AFG1L: variants seen among roughly 807,000 people sequenced by gnomAD.
AFG1L encodes AFG1 like ATPase, also known as AFG1-like ATPase.
AFG1L carries 53 observed loss-of-function variants against 62.2 expected under a neutral mutation model. The ratio of observed to expected loss-of-function variants is 0.85; its 90% CI spans 0.68 to 1.07. The LOEUF (loss-of-function observed/expected upper bound fraction) is 1.07. Ranked by LOEUF, AFG1L falls within the 50% of genes least tolerant of loss-of-function variation. The pLI is 0.00. For synonymous variants in AFG1L, 228 were observed against 210.3 expected, an observed-to-expected ratio of 1.08 and a Z score of -0.73; for missense variants, 555 against 590.5, an observed-to-expected ratio of 0.94 and a Z score of 0.62.
chr6:108,413,490 A>T (rs532151496), intron 7 of AFG1L, among the ~76,000 whole-genome samples: 6 of 152,334 alleles, frequency 3.9e-5, no homozygotes, highest in Admixed American at 1.3e-4. Context: ...CATCACACTT[A>T]TTCCAAAATT....
intron 2 of AFG1L, among the ~76,000 whole-genome samples, chr6:108,324,750 G>A (rs1422829498): frequency 6.7e-6 from 1 of 150,142 alleles, no homozygotes; most frequent in Non-Finnish European, 1.5e-5. Context: ...GGAGTGCAGT[G>A]GCACGATATC....
intron 6 of AFG1L, chr6:108,388,015 C>G (rs993499934): frequency 1.3e-5 from 2 of 151,858 alleles, no homozygotes; most frequent in Non-Finnish European, 2.9e-5. Context: ...ACACTAACAC[C>G]CCATCTGGTA....
At chr6:108,320,548 AG>A (rs1380948349) in intron 1 of AFG1L, among the ~76,000 whole-genome samples, 1 of 152,194 alleles carries the variant, frequency 6.6e-6, no homozygotes, top group Non-Finnish European at 1.5e-5. Flanking sequence ...AAAACAACTC[AG>A]TGACATGTAT....
chr6:108,299,190 G>A (rs1171952499), intron 1 of AFG1L, among the ~76,000 whole-genome samples: 4 of 151,980 alleles, frequency 2.6e-5, no homozygotes, highest in African/African-American at 9.7e-5. Context: ...GAACCCAGGC[G>A]GCGGAGGTTG....
At chr6:108,422,677 A>T (rs1378257472) in intron 7 of AFG1L, among the ~76,000 whole-genome samples, 1 of 151,836 alleles carries the variant, frequency 6.6e-6, no homozygotes, top group Non-Finnish European at 1.5e-5. Context: ...CGTTTAAAAA[A>T]ATCTACCCTT....
At chr6:108,389,029 A>G (rs1272842595) in intron 6 of AFG1L, among the ~76,000 whole-genome samples, 1 of 151,932 alleles carries the variant, frequency 6.6e-6, no homozygotes, top group Non-Finnish European at 1.5e-5. Flanking sequence ...TTTGTAGGTC[A>G]CTCAGGACTT....
At chr6:108,297,403 T>C (rs1319962877) in intron 1 of AFG1L, among the ~76,000 whole-genome samples, 1 of 152,152 alleles carries the variant, frequency 6.6e-6, no homozygotes, top group Non-Finnish European at 1.5e-5. Context: ...CATGGTGCCC[T>C]GCCCCCATCT....
intron 10 of AFG1L, among the ~76,000 whole-genome samples, chr6:108,492,979 A>C (rs1285196242): frequency 6.6e-6 from 1 of 152,088 alleles, no homozygotes; most frequent in African/African-American, 2.4e-5. Context: ...TACATTTGTA[A>C]CGGCATGTTT....
intron 7 of AFG1L, among the ~76,000 whole-genome samples, chr6:108,428,117 T>C (rs1368537509): frequency 6.6e-6 from 1 of 152,128 alleles, no homozygotes; most frequent in Admixed American, 6.5e-5. Context: ...CTCCATCTTC[T>C]GAGTCTCTAA....
chr6:108,364,031 A>G (rs1346422661), intron 5 of AFG1L, among the ~76,000 whole-genome samples: 1 of 152,160 alleles, frequency 6.6e-6, no homozygotes, highest in Non-Finnish European at 1.5e-5. Context: ...GTTATAAAAA[A>G]ATCTTTTCTC....
chr6:108,423,416 A>G (rs1770684478), intron 7 of AFG1L, among the ~76,000 whole-genome samples: 1 of 152,088 alleles, frequency 6.6e-6, no homozygotes, highest in African/African-American at 2.4e-5. Flanking sequence ...TGTTTCAACA[A>G]CATCTGAGCA....
At chr6:108,333,478 C>T (rs539016558) in intron 2 of AFG1L, among the ~76,000 whole-genome samples, 1 of 152,070 alleles carries the variant, frequency 6.6e-6, no homozygotes, top group Non-Finnish European at 1.5e-5. Context: ...TGCAATGGCT[C>T]ACGCCTGTAA....
chr6:108,477,011 T>A (rs1321120833), intron 9 of AFG1L, 76 bp downstream of exon 9: 1 of 1,321,352 alleles, frequency 7.6e-7, no homozygotes, highest in African/African-American at 1.4e-5. Flanking sequence ...AATTAATAAG[T>A]TCCATTGCTG....
At chr6:108,355,825 T>C (rs899138851) in intron 4 of AFG1L, 70 bp downstream of exon 4, 1 of 1,008,358 alleles carries the variant, frequency 9.9e-7, no homozygotes, top group Middle Eastern at 2.1e-4. Flanking sequence ...CTTCATTGAA[T>C]GAACATATAC....
chr6:108,411,445 A>G (rs1782107012), intron 7 of AFG1L, among the ~76,000 whole-genome samples: 1 of 152,138 alleles, frequency 6.6e-6, no homozygotes, highest in Non-Finnish European at 1.5e-5. Flanking sequence ...GAGATCTGAG[A>G]ATGGACAGAC....
chr6:108,360,933 ATTCT>A (rs536217618), intron 5 of AFG1L, among the ~76,000 whole-genome samples: 58 of 152,290 alleles, frequency 3.8e-4, no homozygotes, highest in African/African-American at 1.3e-3. Context: ...TGCACTGGGG[ATTCT>A]TTCTGCACAG....
chr6:108,407,291 T>C (rs544162093), intron 7 of AFG1L, among the ~76,000 whole-genome samples: 19 of 152,324 alleles, frequency 1.2e-4, no homozygotes, highest in Middle Eastern at 3.4e-3. Context: ...TTCCTGCTCC[T>C]TTGGCTAAAG....
chr6:108,479,599 A>G (rs1392988266), intron 10 of AFG1L, among the ~76,000 whole-genome samples: 1 of 152,228 alleles, frequency 6.6e-6, no homozygotes, highest in Non-Finnish European at 1.5e-5. Context: ...ATTGCTTTGC[A>G]ACCTTGTAAC....
intron 10 of AFG1L, among the ~76,000 whole-genome samples, chr6:108,490,672 C>T (rs1311525177): frequency 2.0e-5 from 3 of 152,168 alleles, no homozygotes; most frequent in Non-Finnish European, 1.5e-5. Flanking sequence ...TCACATCATC[C>T]GAACTGCAGC....
Sources: gnomAD v4.1 joint callset for allele counts (sites outside exome capture counted in the v4.1 genomes callset) on GRCh38, gnomAD v4.1.1 for gene constraint, MANE v1.5 for transcripts, NCBI Gene and HGNC (gene_info 2026-07-23, HGNC 2026-07-21) for gene names.